Variants in MGAM observed in about 807,000 individuals in gnomAD.
The protein encoded by MGAM is alpha-1,4-glucosidase.
A neutral mutation model predicts 358.8 loss-of-function variants in MGAM; 253 were observed. The observed-to-expected ratio is 0.71, with a 90% CI of 0.64 to 0.78. The LOEUF is 0.78. Ranked by LOEUF, MGAM falls within the 30% of genes least tolerant of loss-of-function variation. The pLI, the probability that MGAM is intolerant of heterozygous loss-of-function variation, is 0.00. For missense variants in MGAM, 3,080 were observed against 3,432.6 expected (o/e 0.90, Z 2.57); for synonymous variants, 1,105 against 1,227.1 (o/e 0.90, Z 2.08).
chr7:142,093,072 G>C (rs1262960806), intron 59 of MGAM, among the ~76,000 whole-genome samples: 2 of 146,726 alleles, frequency 1.4e-5, no homozygotes, highest in Non-Finnish European at 3.1e-5. Flanking sequence ...CCAAATCTCA[G>C]TCTGCTAAAC....
In MGAM at chr7:142,092,685, G is replaced by T. The variant is rs781672439; in HGVS notation, c.7033+77G>T. 3.0e-6 allele frequency: 4 copies of T among 1,313,298 alleles called. No homozygotes were observed. In the African/African-American group the frequency reaches 5.6e-5, roughly 18 times the overall value. The allele number at this position is 1,313,298 out of a possible 1,614,324, so 81.4% of individuals were successfully genotyped here. On this transcript the variant is annotated intron_variant, in intron 59 of 70. Transcript: ENST00000475668. Reference sequence around the variant, plus strand: ...TACACTGGAGGAGCCCGAGGCCAGGGGTGGCCGCACAGCTCAGGGCACATC... The same window carrying T: ...TACACTGGAGGAGCCCGAGGCCAGGTGTGGCCGCACAGCTCAGGGCACATC...
intron 57 of MGAM, among the ~76,000 whole-genome samples, chr7:142,090,822 G>A (rs572384992): frequency 1.7e-4 from 25 of 146,710 alleles, no homozygotes; most frequent in African/African-American, 6.1e-4. Flanking sequence ...TCGAAGTGGT[G>A]TGAACCCACC....
intron 3 of MGAM, among the ~76,000 whole-genome samples, chr7:142,010,418 C>T (rs573318468): frequency 6.6e-6 from 1 of 152,032 alleles, no homozygotes; most frequent in Admixed American, 6.6e-5. Context: ...GCTTCTAGTT[C>T]TTGAGACAGA....
chr7:142,042,981 A>C (rs1329559937), intron 21 of MGAM, among the ~76,000 whole-genome samples: 1 of 61,862 alleles, frequency 1.6e-5, no homozygotes, highest in Non-Finnish European at 2.8e-5. Flanking sequence ...TATAATATAT[A>C]TATTATATAT....
Position 142,067,955 on chromosome 7 carries a change from TA to T in MGAM, c.5004+531del, listed in dbSNP as rs1563190952. On this transcript the variant is annotated intron_variant, in intron 42 of 70. Transcript: ENST00000475668. The stretch of plus-strand genomic sequence containing the variant: ...CCTCAAATATATATATATATATATA[TA>T]TATATATAAATATATATATATATAT... Among the ~76,000 whole-genome samples, 37 of 37,308 alleles carry T rather than the reference TA, an allele frequency of 9.9e-4. 1 individual carries two copies. Among genetic ancestry groups the T allele is most frequent in the African/African-American group, 2.6e-3 (35 of 13,718 alleles). The allele number at this position is 37,308 out of a possible 152,430, so 24.5% of individuals were successfully genotyped here.
chr7:142,038,993 G>A (rs558108191), intron 19 of MGAM, among the ~76,000 whole-genome samples: 4 of 152,200 alleles, frequency 2.6e-5, no homozygotes, highest in Admixed American at 6.6e-5. Flanking sequence ...TATCTGTGCA[G>A]CTTCTAGGGA....
chr7:142,056,961 G>A lies in MGAM; in HGVS notation c.3693+19G>A, dbSNP rs1585026154. Reference sequence around the variant, plus strand: ...CACTGAGGTAGGGGGAAATCCAATTGTTTATCAAGTACTTACACAGCACAT... The same window carrying A: ...CACTGAGGTAGGGGGAAATCCAATTATTTATCAAGTACTTACACAGCACAT... On this transcript the variant is annotated intron_variant, in intron 30 of 70. Transcript: ENST00000475668. The A allele has an allele frequency of 6.2e-7, 1 of 1,610,810 alleles. No homozygotes were observed. The highest frequency in any genetic ancestry group is 8.5e-7 in the Non-Finnish European group (1 of 1,177,546).
intron 33 of MGAM, 122 bp from the exon 34 acceptor site, chr7:142,060,189 T>G: frequency 2.1e-6 from 3 of 1,408,150 alleles, no homozygotes; most frequent in Non-Finnish European, 3.0e-6. Flanking sequence ...TTTATGTCAA[T>G]CCTATGTGAT....
At chr7:142,062,351 T>C (rs1812293591) in intron 34 of MGAM, among the ~76,000 whole-genome samples, 1 of 152,192 alleles carries the variant, frequency 6.6e-6, no homozygotes, top group Non-Finnish European at 1.5e-5. Context: ...AGAACAGTTT[T>C]TGGATGTTTT....
upstream of MGAM, among the ~76,000 whole-genome samples, chr7:141,994,485 G>A (rs146333588): frequency 1.2e-3 from 188 of 152,316 alleles, no homozygotes; most frequent in Middle Eastern, 0.014. Flanking sequence ...CAGTTCCCAG[G>A]AGGGGTGTGT....
Position 142,056,116 on chromosome 7 carries a change from C to T in MGAM, c.3580+20C>T, listed in dbSNP as rs1232101375. 1 of 1,580,334 alleles carries T rather than the reference C, an allele frequency of 6.3e-7. No individual in the cohort carries two copies. The highest frequency in any genetic ancestry group is 1.2e-5 in the South Asian group (1 of 86,882). ...CCATGGGTAAGGCCATCAGCACCTC[C>T]CTTATTTTGGGGGGATACCAATCAT... On this transcript the variant is annotated intron_variant, in intron 29 of 70. Coordinates refer to ENST00000475668, the MANE Select transcript of MGAM (RefSeq NM_001365693.1).
intron 19 of MGAM, 21 bp downstream of exon 19, chr7:142,038,636 A>G: frequency 6.4e-7 from 1 of 1,552,756 alleles, no homozygotes; most frequent in Non-Finnish European, 8.8e-7. Context: ...CCACAGAGAT[A>G]CACTAGAGAT....
chr7:142,042,971 TATA>T (rs1182897447), intron 21 of MGAM, among the ~76,000 whole-genome samples: 21 of 70,482 alleles, frequency 3.0e-4, no homozygotes, highest in Non-Finnish European at 4.1e-4. Flanking sequence ...AATATCTAAA[TATA>T]ATATATATAT....
At chr7:142,033,155 A>G (rs1807670094) in intron 14 of MGAM, among the ~76,000 whole-genome samples, 1 of 152,194 alleles carries the variant, frequency 6.6e-6, no homozygotes, top group African/African-American at 2.4e-5. Flanking sequence ...ATTTCTAGGG[A>G]AGATCTAGAG....
At chr7:142,022,118 T>G in intron 6 of MGAM, 150 bp from the exon 7 acceptor site, 1 of 745,608 alleles carries the variant, frequency 1.3e-6, no homozygotes. Context: ...TTATCTCTTG[T>G]TTTCCATAGA....
chr7:142,102,278 T>C (rs991062524), intron 68 of MGAM, among the ~76,000 whole-genome samples: 2 of 151,988 alleles, frequency 1.3e-5, no homozygotes, highest in Admixed American at 6.6e-5. Flanking sequence ...AACCTGGAAA[T>C]TCTGAGCTGG....
intron 26 of MGAM, among the ~76,000 whole-genome samples, chr7:142,053,989 C>T (rs551805473): frequency 6.6e-6 from 1 of 152,214 alleles, no homozygotes; most frequent in Admixed American, 6.5e-5. Flanking sequence ...TTCTGGCCCA[C>T]TTTAATTCTC....
rs980493636 is a variant in MGAM, at chr7:142,097,791, C to G, written c.7749+142C>G. On this transcript the variant is annotated intron_variant, in intron 66 of 70. Coordinates refer to ENST00000475668, the MANE Select transcript of MGAM (RefSeq NM_001365693.1). ...AGAGAAGCCACTTTAACCCTTGTAA[C>G]CTCGGTTTTCTCACCTCCAAGTGGA... The G allele has an allele frequency of 1.6e-5, 13 of 819,448 alleles. No individual in the cohort carries two copies. In the African/African-American group the frequency reaches 1.9e-4, roughly 12 times the overall value. 50.8% of individuals were successfully genotyped at this position (819,448 alleles called of 1,614,324 possible). A position where few individuals can be genotyped will look rare whatever the true frequency, so the allele number is the denominator to read the frequency against.
rs1806205711 is a variant in MGAM at position 142,019,158 on chromosome 7, T to C, written c.328-41T>C. On this transcript the variant is annotated intron_variant, in intron 3 of 70. Coordinates refer to ENST00000475668, the MANE Select transcript of MGAM (RefSeq NM_001365693.1). Reference sequence around the variant, plus strand: ...TCGTGCTTTATAAATGATCATGTTCTACAACTAAATGGAGCTTCTTTGACT... The same window carrying C: ...TCGTGCTTTATAAATGATCATGTTCCACAACTAAATGGAGCTTCTTTGACT... The C allele has an allele frequency of 1.9e-6, 3 of 1,601,276 alleles. No individual in the cohort carries two copies. The South Asian group carries it at 3.3e-5, about 18-fold the overall frequency.
Sources: gnomAD v4.1 joint callset for allele counts (sites outside exome capture counted in the v4.1 genomes callset) on GRCh38, gnomAD v4.1.1 for gene constraint, MANE v1.5 for transcripts, NCBI Gene and HGNC (gene_info 2026-07-23, HGNC 2026-07-21) for gene names.